Variants in TENM1 observed in about 807,000 individuals in gnomAD.
TENM1 encodes the protein teneurin-1.
A neutral mutation model predicts 174.8 loss-of-function variants in TENM1; 35 were observed. The ratio of observed to expected loss-of-function variants is 0.20; its 90% CI spans 0.15 to 0.27. TENM1 has a LOEUF of 0.27. Among genes scored for constraint, TENM1 ranks in the 10% least tolerant of loss-of-function variants. The pLI is 1.00. For synonymous variants in TENM1, 781 were observed against 798.7 expected, an observed-to-expected ratio of 0.98 and a Z score of 0.37; for missense variants, 1,633 against 2,130.1, an observed-to-expected ratio of 0.77 and a Z score of 4.59.
the TENM1 span, among the ~76,000 whole-genome samples, chrX:125,022,843 A>C: frequency 8.9e-6 from 1 of 111,981 alleles, no homozygotes; most frequent in Non-Finnish European, 1.9e-5. Context: ...CTCAAAATAC[A>C]ACTTTAGTTC....
chrX:124,499,037 A>G (rs1248926443), intron 19 of TENM1, among the ~76,000 whole-genome samples: 1 of 111,937 alleles, frequency 8.9e-6, no homozygotes, highest in African/African-American at 3.2e-5. Context: ...GTCAGCCCAG[A>G]GTGAGCCAGG....
At chrX:125,113,093 G>A in the TENM1 span, among the ~76,000 whole-genome samples, 3 of 111,570 alleles carry the variant, frequency 2.7e-5, no homozygotes, top group African/African-American at 9.8e-5. Flanking sequence ...CCTGTATATG[G>A]TTAAATGGTT....
At chrX:125,136,187 T>C in the TENM1 span, among the ~76,000 whole-genome samples, 1 of 111,369 alleles carries the variant, frequency 9.0e-6, no homozygotes, top group Non-Finnish European at 1.9e-5. Flanking sequence ...ACAGCCTGGA[T>C]TCAATTGTTA....
the TENM1 span, among the ~76,000 whole-genome samples, chrX:125,073,074 A>T: frequency 1.8e-5 from 2 of 111,639 alleles, no homozygotes; most frequent in Non-Finnish European, 3.8e-5. Context: ...ATTGAGGCAC[A>T]AAAGCAGAGG....
At chrX:124,586,226 C>T (rs1295809814) in intron 11 of TENM1, among the ~76,000 whole-genome samples, 3 of 111,088 alleles carry the variant, frequency 2.7e-5, no homozygotes. Flanking sequence ...CGGGCAGACA[C>T]ACAACAGAAA....
the TENM1 span, among the ~76,000 whole-genome samples, chrX:125,158,614 TG>T: frequency 9.1e-6 from 1 of 110,078 alleles, no homozygotes; most frequent in Non-Finnish European, 1.9e-5. Flanking sequence ...AAGTAATTTT[TG>T]GGATGGTATA....
chrX:125,002,594 C>T, the TENM1 span, among the ~76,000 whole-genome samples: 1 of 111,172 alleles, frequency 9.0e-6, no homozygotes, highest in Admixed American at 9.6e-5. Context: ...TTTAACCTGT[C>T]CTAGAATGAC....
chrX:124,818,721 C>T (rs1215799959), intron 3 of TENM1, among the ~76,000 whole-genome samples: 1 of 111,620 alleles, frequency 9.0e-6, no homozygotes, highest in African/African-American at 3.3e-5. Context: ...TACTGAAATG[C>T]TAATAAATGT....
At chrX:124,456,557 GAAT>G (rs1314650489) in intron 22 of TENM1, among the ~76,000 whole-genome samples, 1 of 111,732 alleles carries the variant, frequency 8.9e-6, no homozygotes, top group Non-Finnish European at 1.9e-5. Flanking sequence ...ATGAAAAAGA[GAAT>G]AATATTTGTC....
the TENM1 span, among the ~76,000 whole-genome samples, chrX:125,000,287 G>C: frequency 6.3e-5 from 7 of 111,262 alleles, no homozygotes; most frequent in African/African-American, 2.3e-4. Flanking sequence ...CAGGATTATG[G>C]TTTTAATAAT....
At chrX:124,871,931 C>G (rs1184058427) in intron 3 of TENM1, among the ~76,000 whole-genome samples, 5 of 107,553 alleles carry the variant, frequency 4.6e-5, no homozygotes, top group African/African-American at 1.7e-4. Flanking sequence ...ACTGGGGAGG[C>G]TGAGGCAGGA....
intron 3 of TENM1, among the ~76,000 whole-genome samples, chrX:124,763,486 A>G (rs7065414): frequency 0.12 from 13,349 of 109,352 alleles, 755 homozygotes; most frequent in African/African-American, 0.21. Context: ...TCAAAAGCGC[A>G]CACACACACA....
chrX:124,664,539 A>T (rs2051695178), intron 6 of TENM1, among the ~76,000 whole-genome samples: 1 of 100,717 alleles, frequency 9.9e-6, no homozygotes, highest in African/African-American at 3.4e-5. Context: ...AAAGAAAAAA[A>T]AAAAAAAAAA....
intron 11 of TENM1, among the ~76,000 whole-genome samples, chrX:124,609,437 GAGACATGCTACGCCTTTGGTTTTGAGCA>G (rs1310253254): frequency 1.3e-4 from 14 of 110,723 alleles, no homozygotes; most frequent in Admixed American, 1.2e-3. Context: ...GGTTTTGAGC[GAGACATGCTACGCCTTTGGTTTTGAGCA>G]AGACATGCTA....
At chrX:124,751,634 C>A (rs1427651866) in intron 3 of TENM1, among the ~76,000 whole-genome samples, 2 of 74,688 alleles carry the variant, frequency 2.7e-5, no homozygotes, top group Non-Finnish European at 5.3e-5. Context: ...AATGCTATCC[C>A]TCCCCCCTCC....
intron 11 of TENM1, among the ~76,000 whole-genome samples, chrX:124,630,776 G>A (rs2050737670): frequency 9.0e-6 from 1 of 111,443 alleles, no homozygotes. Context: ...AATGCGTGTT[G>A]CAGAGACATA....
the TENM1 span, among the ~76,000 whole-genome samples, chrX:125,001,925 TCACACA>T: frequency 0.082 from 5,487 of 67,164 alleles, 238 homozygotes; most frequent in African/African-American, 0.13. Context: ...TCTAGAGAGA[TCACACA>T]CACACACACA....
intron 15 of TENM1, among the ~76,000 whole-genome samples, chrX:124,541,097 CT>C (rs1373878349): frequency 3.6e-5 from 4 of 112,107 alleles, no homozygotes; most frequent in Non-Finnish European, 5.6e-5. Flanking sequence ...TGTTTCTCTG[CT>C]ATTTGGAGAA....
intron 3 of TENM1, among the ~76,000 whole-genome samples, chrX:124,753,657 C>G (rs764347925): frequency 2.7e-5 from 3 of 110,555 alleles, no homozygotes; most frequent in Non-Finnish European, 5.7e-5. Flanking sequence ...TTTTGAGATA[C>G]GTCCCATTAA....
Sources: gnomAD v4.1 joint callset for allele counts (sites outside exome capture counted in the v4.1 genomes callset) on GRCh38, gnomAD v4.1.1 for gene constraint, MANE v1.5 for transcripts, NCBI Gene and HGNC (gene_info 2026-07-23, HGNC 2026-07-21) for gene names.